CECR2: variants seen among roughly 807,000 people sequenced by gnomAD.
CECR2 encodes CECR2 histone acetyl-lysine reader.
CECR2 carries 30 observed loss-of-function variants against 154.5 expected under a neutral mutation model. The observed-to-expected ratio is 0.19, with a 90% CI of 0.15 to 0.26. CECR2 has a LOEUF of 0.26. CECR2 is among the 10% of genes least tolerant of loss of function. The probability of loss-of-function intolerance (pLI) is 1.00; values close to 1 mark genes in which losing one functional copy is unlikely to be tolerated. For synonymous variants in CECR2, 725 were observed against 683.7 expected, an observed-to-expected ratio of 1.06 and a Z score of -0.94; for missense variants, 1,743 against 1,829.3, an observed-to-expected ratio of 0.95 and a Z score of 0.86.
chr22:17,503,728 A>G (rs1339486613), intron 6 of CECR2, among the ~76,000 whole-genome samples: 1 of 152,118 alleles, frequency 6.6e-6, no homozygotes, highest in Non-Finnish European at 1.5e-5. Context: ...TAACAGGAAA[A>G]CCAGAAGTAT....
chr22:17,523,755 CAAAAAAAAA>C (rs66963477), intron 8 of CECR2, among the ~76,000 whole-genome samples: 12 of 101,164 alleles, frequency 1.2e-4, no homozygotes, highest in African/African-American at 1.9e-4. Flanking sequence ...GACTCTATCT[CAAAAAAAAA>C]AAAAAAAAAA....
chr22:17,374,321 C>T (rs1236592255), intron 1 of CECR2, among the ~76,000 whole-genome samples: 2 of 152,174 alleles, frequency 1.3e-5, no homozygotes, highest in African/African-American at 2.4e-5. Flanking sequence ...GAATTCCACC[C>T]TTGGTGCATC....
intron 1 of CECR2, among the ~76,000 whole-genome samples, chr22:17,475,947 A>G (rs118002995): frequency 0.01 from 1,536 of 151,964 alleles, 11 homozygotes; most frequent in Non-Finnish European, 0.014. Flanking sequence ...CACAGCAGCT[A>G]GATTAGTCTC....
rs80083383 is a variant in CECR2 at position 17,519,292 on chromosome 22, G to GTT, written c.955-4810_955-4809dup. 4.9e-3 allele frequency among the ~76,000 whole-genome samples: 567 copies of GTT among 114,620 alleles called. 5 individuals are homozygous for GTT. The highest frequency in any genetic ancestry group is 0.021 in the East Asian group (95 of 4,472). The allele number at this position is 114,620 out of a possible 152,430, so 75.2% of individuals were successfully genotyped here. A position where few individuals can be genotyped will look rare whatever the true frequency, so the allele number is the denominator to read the frequency against. On this transcript the variant is annotated intron_variant, in intron 8 of 18. Coordinates refer to ENST00000262608, the MANE Select transcript of CECR2 (RefSeq NM_001290047.2). ...TGGAAAGTTCCCTCAGGTGTTTTGTGTTTTTTTTTTTTTTTTTGAGACGGA... is the reference window on the plus strand; with the variant it reads ...TGGAAAGTTCCCTCAGGTGTTTTGTGTTTTTTTTTTTTTTTTTTTGAGACGGA...
chr22:17,506,256 A>G (rs2055842588), intron 7 of CECR2, among the ~76,000 whole-genome samples: 1 of 152,256 alleles, frequency 6.6e-6, no homozygotes, highest in African/African-American at 2.4e-5. Flanking sequence ...CCTCTCGAGT[A>G]GCTGGGCCTG....
At chr22:17,509,861 C>T (rs776615158) in intron 7 of CECR2, among the ~76,000 whole-genome samples, 6 of 152,112 alleles carry the variant, frequency 3.9e-5, no homozygotes, top group South Asian at 2.1e-4. Context: ...CTTCTCTGTC[C>T]GCCATCAGAA....
rs1003169323 is a variant in CECR2, at chr22:17,513,827, A to G, written c.954+1931A>G. ...ACTGCTCTGAGTATTCCTAGATGCC[A>G]TAACTTAACACTTCAGACTGCATAG... On this transcript the variant is annotated intron_variant, in intron 8 of 18. Transcript: ENST00000262608. Among the ~76,000 whole-genome samples, 35 of 152,232 alleles carry G rather than the reference A, an allele frequency of 2.3e-4. 1 individual carries two copies. Among genetic ancestry groups the G allele is most frequent in the Non-Finnish European group, 3.8e-4 (26 of 68,036 alleles).
At chr22:17,499,601 A>T in intron 4 of CECR2, 52 bp downstream of exon 4, 1 of 1,514,354 alleles carries the variant, frequency 6.6e-7, no homozygotes, top group Non-Finnish European at 8.9e-7. Flanking sequence ...AATGTCATTA[A>T]GATTAAATGC....
At chr22:17,510,553 C>T (rs1028631526) in intron 7 of CECR2, among the ~76,000 whole-genome samples, 10 of 152,040 alleles carry the variant, frequency 6.6e-5, no homozygotes, top group Admixed American at 3.9e-4. Flanking sequence ...GTCATGACAG[C>T]GTTTGATAAT....
chr22:17,380,794 G>A (rs1449754155), intron 1 of CECR2, among the ~76,000 whole-genome samples: 1 of 152,210 alleles, frequency 6.6e-6, no homozygotes, highest in Non-Finnish European at 1.5e-5. Context: ...ATTGAAAAAT[G>A]CTGTTCAGCA....
At chr22:17,524,646 C>T (rs1172133036) in intron 9 of CECR2, among the ~76,000 whole-genome samples, 1 of 138,390 alleles carries the variant, frequency 7.2e-6, no homozygotes, top group African/African-American at 2.8e-5. Flanking sequence ...CCCGCCTTGG[C>T]CTCCCAAAGT....
At chr22:17,389,477 A>G (rs2063302488) in intron 1 of CECR2, among the ~76,000 whole-genome samples, 1 of 151,984 alleles carries the variant, frequency 6.6e-6, no homozygotes, top group African/African-American at 2.4e-5. Context: ...ACTTAAAAAC[A>G]TTGTTTTTTT....
chr22:17,538,202 A>C (rs1282076913), intron 10 of CECR2, among the ~76,000 whole-genome samples: 1 of 152,222 alleles, frequency 6.6e-6, no homozygotes, highest in East Asian at 1.9e-4. Flanking sequence ...TAGGCAACAG[A>C]GCAAGATCCT....
At chr22:17,370,016 TC>T (rs1361561912) in intron 1 of CECR2, 107 bp downstream of exon 1, 11 of 150,034 alleles carry the variant, frequency 7.3e-5, no homozygotes, top group African/African-American at 2.5e-4. Context: ...CCGAGGGACT[TC>T]GGCCGGGAGT....
At chr22:17,493,736 A>G (rs894140799) in intron 2 of CECR2, among the ~76,000 whole-genome samples, 1 of 152,266 alleles carries the variant, frequency 6.6e-6, no homozygotes, top group African/African-American at 2.4e-5. Context: ...AAGGGCTTCC[A>G]GACAGACTGT....
At chr22:17,497,031 C>T (rs1297512487) in intron 2 of CECR2, among the ~76,000 whole-genome samples, 7 of 152,170 alleles carry the variant, frequency 4.6e-5, no homozygotes, top group Admixed American at 4.6e-4. Context: ...TGTTACCTCA[C>T]CCCTGTAATC....
chr22:17,364,064 C>G (rs1286573223), intron 1 of CECR2, among the ~76,000 whole-genome samples: 2 of 151,820 alleles, frequency 1.3e-5, no homozygotes. Context: ...TGCCATACTC[C>G]CGGGCGCGGT....
chr22:17,536,950 T>C (rs1193323433), intron 9 of CECR2, 153 bp from the exon 10 acceptor site: 6 of 775,420 alleles, frequency 7.7e-6, no homozygotes, highest in Non-Finnish European at 1.2e-5. Flanking sequence ...AGAAACATCC[T>C]AATTACCAAA....
chr22:17,511,570 ATACATATTATAAAAGACACTTG>A (rs2055953710), intron 7 of CECR2, among the ~76,000 whole-genome samples: 1 of 149,276 alleles, frequency 6.7e-6, no homozygotes, highest in South Asian at 2.1e-4. Flanking sequence ...TTTGCCAGTG[ATACATATTATAAAAGACACTTG>A]TTTGTCTCCA....
Sources: allele counts gnomAD v4.1 joint callset (sites outside exome capture counted in the v4.1 genomes callset), GRCh38; gene constraint gnomAD v4.1.1; transcripts MANE v1.5; gene names NCBI Gene and HGNC (gene_info 2026-07-23, HGNC 2026-07-21).